Variants in RP1 observed in about 807,000 individuals in gnomAD.
The protein encoded by RP1 is RP1 axonemal microtubule associated.
A neutral mutation model predicts 14.8 loss-of-function variants in RP1; 16 were observed. The ratio of observed to expected loss-of-function variants is 1.08; its 90% CI spans 0.73 to 1.65. The LOEUF (loss-of-function observed/expected upper bound fraction) is 1.65, where lower values mean the gene tolerates loss of function less well. Ranked by LOEUF, RP1 falls within the 40% of genes most tolerant of loss-of-function variation. The pLI is 0.00. For synonymous variants in RP1, 876 were observed against 883.6 expected (o/e 0.99, Z 0.15); for missense variants, 2,631 against 2,535.0 (o/e 1.04, Z -0.81).
intron 6 of RP1, among the ~76,000 whole-genome samples, chr8:54,660,085 G>C (rs1806853035): frequency 6.6e-6 from 1 of 152,008 alleles, no homozygotes; most frequent in African/African-American, 2.4e-5. Flanking sequence ...TTTTTTTTGT[G>C]TGGAGGCTTT....
intron 13 of RP1, among the ~76,000 whole-genome samples, chr8:54,700,941 T>G (rs1294104173): frequency 1.3e-5 from 2 of 152,158 alleles, no homozygotes; most frequent in African/African-American, 4.8e-5. Flanking sequence ...GACTTAGTGT[T>G]TTGGATCTAG....
At chr8:54,735,113 G>A (rs902663867) in intron 18 of RP1, among the ~76,000 whole-genome samples, 21 of 152,120 alleles carry the variant, frequency 1.4e-4, no homozygotes, top group Admixed American at 1.2e-3. Context: ...ACTTATAGAT[G>A]TTGCTCAGCT....
downstream of RP1, among the ~76,000 whole-genome samples, chr8:54,771,757 A>G (rs1463796213): frequency 6.6e-6 from 1 of 152,070 alleles, no homozygotes; most frequent in Non-Finnish European, 1.5e-5. Context: ...GATTCTGGAA[A>G]TACATTAGTG....
intron 24 of RP1, among the ~76,000 whole-genome samples, chr8:54,798,102 C>T (rs766654749): frequency 9.9e-5 from 15 of 152,080 alleles, no homozygotes; most frequent in Non-Finnish European, 2.1e-4. Context: ...CAACCTCCGC[C>T]TCCTGGGCTC....
intron 24 of RP1, among the ~76,000 whole-genome samples, chr8:54,820,259 T>A (rs1585720158): frequency 6.6e-6 from 1 of 151,124 alleles, no homozygotes; most frequent in Non-Finnish European, 1.5e-5. Flanking sequence ...GGGGGAGGGG[T>A]GAGGCAAGCA....
intron 25 of RP1, among the ~76,000 whole-genome samples, chr8:54,847,259 A>T (rs1811945604): frequency 1.3e-5 from 2 of 152,180 alleles, no homozygotes; most frequent in South Asian, 2.1e-4. Flanking sequence ...TTCACAAGTG[A>T]TGTCTCTTCT....
At chr8:54,695,092 A>C (rs1378463192) in intron 12 of RP1, among the ~76,000 whole-genome samples, 2 of 152,138 alleles carry the variant, frequency 1.3e-5, no homozygotes, top group Non-Finnish European at 2.9e-5. Flanking sequence ...GTAGTCATTC[A>C]GGAGCAGGTT....
rs1480599732 is a variant in RP1 at position 54,682,217 on chromosome 8, C to A, written c.1717+2284C>A. Among the ~76,000 whole-genome samples the A allele has an allele frequency of 3.9e-5, 6 of 151,900 alleles. No homozygotes were observed. In the East Asian group the frequency reaches 1.2e-3, roughly 29 times the overall value. On this transcript the variant is annotated intron_variant, in intron 12 of 22. Coordinates refer to the RP1 transcript ENST00000636932. ...CTCACCAGCATCTGTTGTTTCTTGG[C>A]CTTTTTTCCCCTTTTTTTTAAATTA...
chr8:54,701,402 C>T, intron 13 of RP1: 15 of 1,100,820 alleles, frequency 1.4e-5, no homozygotes, highest in Non-Finnish European at 1.8e-5. Flanking sequence ...ATGAAGTAGA[C>T]ACCTGTATAT....
chr8:54,692,800 G>T (rs1220394208), intron 12 of RP1, among the ~76,000 whole-genome samples: 1 of 151,432 alleles, frequency 6.6e-6, no homozygotes, highest in Non-Finnish European at 1.5e-5. Context: ...TTCTTTTGCT[G>T]TGCAGAAGCT....
In RP1 at chr8:54,594,946, G is replaced by T. The variant is rs181029151; in HGVS notation, c.-12-26009G>T. 4.1e-4 allele frequency among the ~76,000 whole-genome samples: 62 copies of T among 152,120 alleles called. No individual in the cohort carries two copies. The Middle Eastern group carries it at 0.01, about 25-fold the overall frequency. On this transcript the variant is annotated intron_variant, in intron 1 of 22. Transcript: ENST00000636932. Reference sequence around the variant, plus strand: ...TGGGAATAAAACTGCTATTTGAAGAGAATATCTACTTTTTAAGGTAAAAAT... The same window carrying T: ...TGGGAATAAAACTGCTATTTGAAGATAATATCTACTTTTTAAGGTAAAAAT...
chr8:54,758,460 G>T (rs1319067102), intron 21 of RP1, among the ~76,000 whole-genome samples: 1 of 147,524 alleles, frequency 6.8e-6, no homozygotes, highest in African/African-American at 2.5e-5. Context: ...GAGGGAAGGA[G>T]GGAGGGAGGG....
chr8:54,587,110 G>A (rs985035482), intron 1 of RP1, among the ~76,000 whole-genome samples: 5 of 152,208 alleles, frequency 3.3e-5, no homozygotes, highest in Non-Finnish European at 5.9e-5. Flanking sequence ...ATAGACTGGA[G>A]CTGTTCCTAT....
At chr8:54,563,093 C>T (rs1804323036) in intron 1 of RP1, among the ~76,000 whole-genome samples, 1 of 152,220 alleles carries the variant, frequency 6.6e-6, no homozygotes, top group Admixed American at 6.5e-5. Flanking sequence ...CCTAAATCAG[C>T]TCTTCAGAGA....
chr8:54,746,463 C>G (rs1424597891), intron 19 of RP1, among the ~76,000 whole-genome samples: 1 of 152,012 alleles, frequency 6.6e-6, no homozygotes, highest in Non-Finnish European at 1.5e-5. Context: ...GTCTAGCGTC[C>G]AAAACACTGT....
At chr8:54,650,232 T>A (rs956852295) in intron 4 of RP1, among the ~76,000 whole-genome samples, 2 of 152,154 alleles carry the variant, frequency 1.3e-5, no homozygotes, top group Non-Finnish European at 2.9e-5. Flanking sequence ...CTTGCCTGAG[T>A]TCTGGGATGG....
chr8:54,805,131 A>G (rs932892125), intron 24 of RP1, among the ~76,000 whole-genome samples: 3 of 152,192 alleles, frequency 2.0e-5, no homozygotes, highest in Admixed American at 2.0e-4. Context: ...TCTGAACAAA[A>G]CATTTGATAC....
At chr8:54,852,507 A>C in intron 25 of RP1, 1 of 1,095,160 alleles carries the variant, frequency 9.1e-7, no homozygotes, top group African/African-American at 1.6e-5. Context: ...TCCTTGCAGA[A>C]TATCTAACTA....
intron 17 of RP1, among the ~76,000 whole-genome samples, chr8:54,732,463 C>G (rs950875706): frequency 2.0e-5 from 3 of 152,154 alleles, no homozygotes; most frequent in Non-Finnish European, 4.4e-5. Flanking sequence ...TTCATCAGTT[C>G]TGTTATTATG....
Sources: allele counts gnomAD v4.1 joint callset (sites outside exome capture counted in the v4.1 genomes callset), GRCh38; gene constraint gnomAD v4.1.1; transcripts MANE v1.5; gene names NCBI Gene and HGNC (gene_info 2026-07-23, HGNC 2026-07-21).